Variants in PCDHGA7 observed in about 807,000 individuals in gnomAD.
The protein encoded by PCDHGA7 is protocadherin gamma subfamily A, 7.
PCDHGA7 carries 44 observed loss-of-function variants against 58.3 expected under a neutral mutation model. The observed-to-expected ratio is 0.75, with a 90% CI of 0.59 to 0.97. The LOEUF (loss-of-function observed/expected upper bound fraction) is 0.97, where lower values mean the gene tolerates loss of function less well. Ranked by LOEUF, PCDHGA7 falls within the 50% of genes least tolerant of loss-of-function variation. The pLI, the probability that PCDHGA7 is intolerant of heterozygous loss-of-function variation, is 0.00. For missense variants in PCDHGA7, 1,266 were observed against 1,188.7 expected (o/e 1.06, Z -0.96); for synonymous variants, 516 against 504.2 (o/e 1.02, Z -0.31).
At chr5:141,394,739 C>T (rs377359689) in intron 1 of PCDHGA7, 4 of 1,613,390 alleles carry the variant, frequency 2.5e-6, no homozygotes, top group Non-Finnish European at 3.4e-6. Flanking sequence ...AGCAGAGCCT[C>T]GTGGTGGCCG....
At chr5:141,478,711 T>G (rs1420376406) in intron 1 of PCDHGA7, 1 of 1,547,346 alleles carries the variant, frequency 6.5e-7, no homozygotes. Context: ...CTTTGTGAGA[T>G]GGTGGCCTGC....
rs755863653 is a variant in PCDHGA7 at position 141,422,228 on chromosome 5, TG to T, written c.2424+36906del. 2.3e-5 allele frequency: 36 copies of T among 1,565,448 alleles called. No individual in the cohort carries two copies. The Middle Eastern group carries it at 8.6e-4, about 37-fold the overall frequency. ...GGAGGTCTCTTTACCACCACGACGA[TG>T]TTGATCACTGTTGTGGATGTGAATG... On this transcript the variant is annotated intron_variant, in intron 1 of 3. Transcript: ENST00000518325.
chr5:141,413,212 G>C, intron 1 of PCDHGA7: 2 of 1,613,268 alleles, frequency 1.2e-6, no homozygotes, highest in Middle Eastern at 1.7e-4. Flanking sequence ...GGAATCAAAG[G>C]ATTGCAGCGG....
Position 141,491,245 on chromosome 5 carries a change from G to A in PCDHGA7, c.2425-3562G>A, listed in dbSNP as rs1171588507. ...CACAGTGCTGCTGGTTCTGGAGGATGAGGACCCTGAGGAAATGCCCAAATC... is the reference window on the plus strand; with the variant it reads ...CACAGTGCTGCTGGTTCTGGAGGATAAGGACCCTGAGGAAATGCCCAAATC... On this transcript the variant is annotated intron_variant, in intron 1 of 3. Transcript: ENST00000518325. The surrounding 1 kb of genome is among the most constrained non-coding windows in gnomAD (Gnocchi z 6.9). 2 of 1,614,086 alleles carry A rather than the reference G, an allele frequency of 1.2e-6. No individual in the cohort carries two copies. Among genetic ancestry groups the A allele is most frequent in the East Asian group, 4.5e-5 (2 of 44,888 alleles).
chr5:141,431,376 CT>C lies in PCDHGA7; in HGVS notation c.2424+46054del. The C allele has an allele frequency of 1.2e-6, 2 of 1,613,436 alleles. No individual in the cohort carries two copies. The highest frequency in any genetic ancestry group is 1.7e-6 in the Non-Finnish European group (2 of 1,179,562). On this transcript the variant is annotated intron_variant, in intron 1 of 3. Transcript: ENST00000518325. This position sits in a 1 kb window ranked among gnomAD's most constrained non-coding sequence, Gnocchi z 4.8. ...CGCGCCCTGGACCGCGAAGAAAAGG[CT>C]GCTCACCACCTGGTCCTTACGGCCT...
At chr5:141,404,153 T>G in intron 1 of PCDHGA7, 1 of 1,613,010 alleles carries the variant, frequency 6.2e-7, no homozygotes, top group Non-Finnish European at 8.5e-7. Context: ...AGAAGAAGAT[T>G]ATTACAGATT....
intron 2 of PCDHGA7, among the ~76,000 whole-genome samples, chr5:141,500,324 T>G (rs1165047676): frequency 6.6e-6 from 1 of 151,994 alleles, no homozygotes; most frequent in African/African-American, 2.4e-5. Flanking sequence ...TGCTCCTGCC[T>G]CAGCCTCCAG....
chr5:141,414,378 C>T lies in PCDHGA7; in HGVS notation c.2424+29055C>T, dbSNP rs958748519. ...ATCTACCATTTAAATTAGAAAAGTC[C>T]ATTGACAGTTATTACAGATTGGTGA... On this transcript the variant is annotated intron_variant, in intron 1 of 3. Coordinates refer to ENST00000518325, the MANE Select transcript of PCDHGA7 (RefSeq NM_018920.4). 3.1e-6 allele frequency: 5 copies of T among 1,613,736 alleles called. No individual in the cohort carries two copies. In the African/African-American group the frequency reaches 5.3e-5, roughly 17 times the overall value.
intron 1 of PCDHGA7, 95 bp downstream of exon 1, chr5:141,385,418 A>C: frequency 6.8e-7 from 1 of 1,466,614 alleles, no homozygotes; most frequent in Non-Finnish European, 9.0e-7. Flanking sequence ...ATAGGGATTT[A>C]AAAAACTTTA....
At chr5:141,397,843 C>A (rs1200465582) in intron 1 of PCDHGA7, 7 of 522,606 alleles carry the variant, frequency 1.3e-5, no homozygotes, top group Non-Finnish European at 2.0e-5. Context: ...CTTGAAGCCG[C>A]AGAGGCTGTA....
chr5:141,497,793 G>A (rs2099779480), intron 2 of PCDHGA7, among the ~76,000 whole-genome samples: 1 of 152,180 alleles, frequency 6.6e-6, no homozygotes, highest in Admixed American at 6.5e-5. Flanking sequence ...ACCTGCTTCA[G>A]CTTCCCAAAG....
At chr5:141,420,359 A>G in intron 1 of PCDHGA7, 1 of 1,378,858 alleles carries the variant, frequency 7.3e-7, no homozygotes, top group Non-Finnish European at 9.6e-7. Flanking sequence ...TTAAGATTCT[A>G]GATAACTTCT....
intron 1 of PCDHGA7, among the ~76,000 whole-genome samples, chr5:141,420,581 C>T (rs1024544346): frequency 2.6e-5 from 4 of 151,994 alleles, no homozygotes; most frequent in Admixed American, 6.5e-5. Flanking sequence ...TAATTGAAAC[C>T]CTGATGCTAC....
chr5:141,478,163 C>G (rs779617960), intron 1 of PCDHGA7: 22 of 1,614,028 alleles, frequency 1.4e-5, no homozygotes, highest in Non-Finnish European at 1.9e-5. Context: ...TGGCTCTGCC[C>G]CCCGGGAGCA....
chr5:141,451,209 G>C (rs556588482), intron 1 of PCDHGA7, among the ~76,000 whole-genome samples: 1 of 152,266 alleles, frequency 6.6e-6, no homozygotes, highest in African/African-American at 2.4e-5. Flanking sequence ...CCAAAACTTA[G>C]TGGCTTAAAA....
At chr5:141,402,820 C>G (rs1351401631) in intron 1 of PCDHGA7, 2 of 1,288,046 alleles carry the variant, frequency 1.6e-6, no homozygotes, top group Admixed American at 5.9e-5. Flanking sequence ...CACAAACCTG[C>G]TCCCAGGCTG....
intron 1 of PCDHGA7, chr5:141,409,804 C>T (rs766279863): frequency 6.2e-7 from 1 of 1,611,772 alleles, no homozygotes; most frequent in South Asian, 1.1e-5. Context: ...CGCTGCAGGC[C>T]CGCGACCACG....
intron 1 of PCDHGA7, chr5:141,421,579 T>G (rs753573473): frequency 1.9e-6 from 3 of 1,613,816 alleles, no homozygotes; most frequent in Non-Finnish European, 2.5e-6. Context: ...CTTGAAGATT[T>G]ACGGAGTGGA....
At chr5:141,410,404 G>A (rs79498912) in intron 1 of PCDHGA7, 32,650 of 1,614,014 alleles carry the variant, frequency 0.02, 588 homozygotes, top group African/African-American at 0.088. Context: ...TCTGTGTCAA[G>A]TCTGGACCTG....
Sources: allele counts gnomAD v4.1 joint callset (sites outside exome capture counted in the v4.1 genomes callset), GRCh38; gene constraint gnomAD v4.1.1; non-coding constraint Gnocchi (gnomAD v3.1); transcripts MANE v1.5; gene names NCBI Gene and HGNC (gene_info 2026-07-23, HGNC 2026-07-21).